Variants in ENTREP2 observed in about 807,000 individuals in gnomAD.
ENTREP2 encodes protein ENTREP2.
the ENTREP2 span, among the ~76,000 whole-genome samples, chr15:29,152,325 CT>C: frequency 5.3e-5 from 8 of 152,192 alleles, no homozygotes; most frequent in Non-Finnish European, 8.8e-5. Flanking sequence ...CAGCCAGATA[CT>C]GACATTGGTA....
At chr15:29,565,593 A>G in the ENTREP2 span, among the ~76,000 whole-genome samples, 1 of 152,260 alleles carries the variant, frequency 6.6e-6, no homozygotes, top group Non-Finnish European at 1.5e-5. Context: ...TTCGTTATAC[A>G]TTAAATTTTT....
the ENTREP2 span, among the ~76,000 whole-genome samples, chr15:29,386,128 T>C: frequency 1.3e-5 from 2 of 152,248 alleles, no homozygotes; most frequent in East Asian, 3.9e-4. Flanking sequence ...TCCAAGCCCA[T>C]GTGTGATCTG....
chr15:29,581,592 AC>A, the ENTREP2 span, among the ~76,000 whole-genome samples: 1 of 152,294 alleles, frequency 6.6e-6, no homozygotes, highest in Admixed American at 6.5e-5. Context: ...AAACTCCTAA[AC>A]AAATGGAGAG....
At chr15:29,570,235 G>C in the ENTREP2 span, among the ~76,000 whole-genome samples, 1 of 151,732 alleles carries the variant, frequency 6.6e-6, no homozygotes, top group Non-Finnish European at 1.5e-5. Flanking sequence ...CTCGGAGGAC[G>C]GCGGGCGCCT....
the ENTREP2 span, among the ~76,000 whole-genome samples, chr15:29,173,596 C>T: frequency 9.3e-4 from 141 of 152,148 alleles, 1 homozygote; most frequent in Middle Eastern, 6.8e-3. Context: ...CAGAGCCACC[C>T]GTGATAGCAA....
chr15:29,289,850 A>AT, the ENTREP2 span, among the ~76,000 whole-genome samples: 1 of 152,078 alleles, frequency 6.6e-6, no homozygotes, highest in Non-Finnish European at 1.5e-5. Flanking sequence ...CATCTCAAAA[A>AT]ATATATATAT....
chr15:29,380,008 A>G, the ENTREP2 span, among the ~76,000 whole-genome samples: 3 of 147,220 alleles, frequency 2.0e-5, no homozygotes, highest in South Asian at 6.6e-4. Flanking sequence ...CAGCCTATTC[A>G]CTGCATTTCC....
the ENTREP2 span, among the ~76,000 whole-genome samples, chr15:29,241,435 C>T: frequency 6.6e-6 from 1 of 151,922 alleles, no homozygotes; most frequent in African/African-American, 2.4e-5. Flanking sequence ...TGTGCATACA[C>T]AAAAATGGAT....
chr15:29,638,351 G>A, the ENTREP2 span, among the ~76,000 whole-genome samples: 1 of 152,142 alleles, frequency 6.6e-6, no homozygotes, highest in Non-Finnish European at 1.5e-5. Context: ...GGATTCCAAG[G>A]GCATAGTCCC....
chr15:29,308,195 G>A, the ENTREP2 span, among the ~76,000 whole-genome samples: 9 of 152,084 alleles, frequency 5.9e-5, no homozygotes, highest in Admixed American at 5.2e-4. Flanking sequence ...GGCCAACACA[G>A]TGAAACCCCG....
chr15:29,397,501 G>A, the ENTREP2 span, among the ~76,000 whole-genome samples: 1 of 152,214 alleles, frequency 6.6e-6, no homozygotes, highest in African/African-American at 2.4e-5. Flanking sequence ...GCAGTGGTTA[G>A]AAAGAACAGT....
chr15:29,558,921 G>A, the ENTREP2 span, among the ~76,000 whole-genome samples: 4 of 151,384 alleles, frequency 2.6e-5, no homozygotes, highest in South Asian at 2.1e-4. Flanking sequence ...AGCATATAAC[G>A]CATATACAAA....
At chr15:29,480,338 C>CAAAAAAAAA in the ENTREP2 span, among the ~76,000 whole-genome samples, 6 of 29,430 alleles carry the variant, frequency 2.0e-4, 1 homozygote, top group Non-Finnish European at 3.4e-4. Flanking sequence ...TTCACTATAG[C>CAAAAAAAAA]AAAAAAAAAA....
chr15:29,269,554 G>T, the ENTREP2 span: 1 of 1,516,032 alleles, frequency 6.6e-7, no homozygotes, highest in South Asian at 1.2e-5. Context: ...CGGCCCGCGG[G>T]ACGTGCTCGG....
the ENTREP2 span, among the ~76,000 whole-genome samples, chr15:29,159,466 G>C: frequency 6.6e-6 from 1 of 152,166 alleles, no homozygotes; most frequent in Non-Finnish European, 1.5e-5. Flanking sequence ...TGCTAGCTTG[G>C]GCAGCCTGCT....
At chr15:29,178,928 G>A in the ENTREP2 span, among the ~76,000 whole-genome samples, 1 of 152,130 alleles carries the variant, frequency 6.6e-6, no homozygotes, top group African/African-American at 2.4e-5. Context: ...TTCCTATCTT[G>A]TGTCTTGAGA....
the ENTREP2 span, among the ~76,000 whole-genome samples, chr15:29,343,082 G>A: frequency 1.3e-5 from 2 of 151,334 alleles, no homozygotes; most frequent in African/African-American, 4.8e-5. Flanking sequence ...GCATTGTGAA[G>A]TGGAAAAAGC....
the ENTREP2 span, among the ~76,000 whole-genome samples, chr15:29,549,368 C>G: frequency 2.0e-5 from 3 of 151,694 alleles, no homozygotes; most frequent in Admixed American, 6.6e-5. Context: ...CTCCCAGGTT[C>G]ACACCATTCT....
chr15:29,249,910 A>C, the ENTREP2 span, among the ~76,000 whole-genome samples: 1 of 152,004 alleles, frequency 6.6e-6, no homozygotes, highest in Non-Finnish European at 1.5e-5. Flanking sequence ...GCCAGAGAGA[A>C]AGCAAGGAAG....
Sources: gnomAD v4.1 joint callset for allele counts (sites outside exome capture counted in the v4.1 genomes callset) on GRCh38, gnomAD v4.1.1 for gene constraint, MANE v1.5 for transcripts, NCBI Gene and HGNC (gene_info 2026-07-23, HGNC 2026-07-21) for gene names.